TOX2: variants seen among roughly 807,000 people sequenced by gnomAD.
TOX2 encodes granulosa cell HMG box 1.
A neutral mutation model predicts 47.4 loss-of-function variants in TOX2; 15 were observed. The observed-to-expected ratio is 0.32, with a 90% CI of 0.21 to 0.49. The LOEUF (loss-of-function observed/expected upper bound fraction) is 0.49, where lower values mean the gene tolerates loss of function less well. Among genes scored for constraint, TOX2 ranks in the 20% least tolerant of loss-of-function variants. The pLI is 0.99. For synonymous variants in TOX2, 290 were observed against 296.6 expected, an observed-to-expected ratio of 0.98 and a Z score of 0.23; for missense variants, 622 against 673.1, an observed-to-expected ratio of 0.92 and a Z score of 0.84.
chr20:43,971,259 T>C (rs146631860), intron 1 of TOX2, among the ~76,000 whole-genome samples: 106 of 152,298 alleles, frequency 7.0e-4, no homozygotes, highest in African/African-American at 2.4e-3. Flanking sequence ...CCTGGGAGCC[T>C]CCATTTTAGT....
intron 3 of TOX2, among the ~76,000 whole-genome samples, chr20:44,023,319 A>T (rs930111600): frequency 1.3e-5 from 2 of 149,386 alleles, no homozygotes; most frequent in African/African-American, 4.9e-5. Flanking sequence ...AATCCCAGCT[A>T]CTTGGGAGGC....
At chr20:43,998,405 A>G (rs1235806718) in intron 2 of TOX2, among the ~76,000 whole-genome samples, 1 of 152,216 alleles carries the variant, frequency 6.6e-6, no homozygotes, top group African/African-American at 2.4e-5. Context: ...TTACCTGGTT[A>G]TATTTTGTAA....
intron 5 of TOX2, among the ~76,000 whole-genome samples, chr20:44,060,318 A>G (rs7274676): frequency 0.02 from 3,007 of 152,314 alleles, 38 homozygotes; most frequent in Middle Eastern, 0.054. Context: ...GGAAACTTCA[A>G]TACTCCACTG....
intron 1 of TOX2, among the ~76,000 whole-genome samples, chr20:43,926,043 C>T (rs991344214): frequency 2.9e-4 from 44 of 152,266 alleles, no homozygotes; most frequent in Non-Finnish European, 5.6e-4. Flanking sequence ...GTGCTTATTT[C>T]GAAGCTGGGC....
At chr20:44,048,353 ATG>A (rs1272925113) in intron 3 of TOX2, among the ~76,000 whole-genome samples, 6 of 145,268 alleles carry the variant, frequency 4.1e-5, no homozygotes, top group African/African-American at 1.5e-4. Context: ...ATCCAGTTAT[ATG>A]CTAGTACATG....
chr20:44,017,383 T>C (rs2070897994), intron 3 of TOX2, among the ~76,000 whole-genome samples: 1 of 152,158 alleles, frequency 6.6e-6, no homozygotes, highest in African/African-American at 2.4e-5. Context: ...TGGCCGTGAT[T>C]TCAGCTTGGT....
At chr20:44,044,106 G>T (rs1404981734) in intron 3 of TOX2, among the ~76,000 whole-genome samples, 1 of 131,018 alleles carries the variant, frequency 7.6e-6, no homozygotes, top group East Asian at 2.4e-4. Context: ...CATAAAAAAG[G>T]ATGAGTTCAC....
intron 1 of TOX2, among the ~76,000 whole-genome samples, chr20:43,964,273 T>C (rs1454818548): frequency 6.6e-6 from 1 of 152,148 alleles, no homozygotes; most frequent in Non-Finnish European, 1.5e-5. Context: ...CAGGCCGTGC[T>C]CTATTCCTGT....
chr20:43,920,620 C>T (rs1398761068), intron 1 of TOX2, among the ~76,000 whole-genome samples: 1 of 152,148 alleles, frequency 6.6e-6, no homozygotes, highest in Non-Finnish European at 1.5e-5. Context: ...CAGGAAGGAC[C>T]CCAGGATGTT....
intron 2 of TOX2, among the ~76,000 whole-genome samples, chr20:43,975,476 G>A (rs2070059655): frequency 6.6e-6 from 1 of 152,168 alleles, no homozygotes; most frequent in Non-Finnish European, 1.5e-5. Flanking sequence ...GAAGATCAAG[G>A]ATGTTGGCTG....
intron 1 of TOX2, among the ~76,000 whole-genome samples, chr20:43,944,448 G>A (rs187081455): frequency 6.6e-6 from 1 of 152,182 alleles, no homozygotes; most frequent in Admixed American, 6.5e-5. Flanking sequence ...TTGTGTGAAG[G>A]TCAGGGGAAG....
chr20:43,932,480 G>A (rs1248898297), intron 1 of TOX2, among the ~76,000 whole-genome samples: 1 of 152,224 alleles, frequency 6.6e-6, no homozygotes, highest in Non-Finnish European at 1.5e-5. Context: ...AAACAGGGAA[G>A]TTAGTAATAA....
intron 3 of TOX2, among the ~76,000 whole-genome samples, chr20:44,044,690 G>GAT (rs1341464409): frequency 2.0e-5 from 3 of 152,208 alleles, no homozygotes; most frequent in East Asian, 1.9e-4. Flanking sequence ...GAATTGAAGT[G>GAT]ATATAGCCAC....
In TOX2 at chr20:44,003,749, TGTGGCAG is replaced by T. The variant is rs548670201; in HGVS notation, c.166-2796_166-2790del. ...GGAACTAACCACGGGAGGGACAGTGTGTGGCAGGCGGAGTGCAGCAGAGGGAACTGTG... is the reference window on the plus strand; with the variant it reads ...GGAACTAACCACGGGAGGGACAGTGTGCGGAGTGCAGCAGAGGGAACTGTG... On this transcript the variant is annotated intron_variant, in intron 2 of 8. Coordinates refer to ENST00000341197, the MANE Select transcript of TOX2 (RefSeq NM_001098797.2). Among the ~76,000 whole-genome samples the T allele has an allele frequency of 3.0e-3, 458 of 152,180 alleles. 2 individuals carry two copies. Among genetic ancestry groups the T allele is most frequent in the African/African-American group, 0.01 (423 of 41,516 alleles).
At chr20:43,924,624 G>A (rs1299057318) in intron 1 of TOX2, among the ~76,000 whole-genome samples, 1 of 152,192 alleles carries the variant, frequency 6.6e-6, no homozygotes, top group Admixed American at 6.5e-5. Flanking sequence ...CACCATCACT[G>A]AGCTCCCAGG....
At chr20:43,992,144 AG>A (rs2145552873) in intron 2 of TOX2, among the ~76,000 whole-genome samples, 1 of 152,292 alleles carries the variant, frequency 6.6e-6, no homozygotes, top group East Asian at 1.9e-4. Flanking sequence ...ATTGCAGTAG[AG>A]GGAACAGCCA....
At position 43,942,310 on chromosome 20, in the gene TOX2, C is replaced by T. The variant is rs534488486; in HGVS notation, c.99+27320C>T. 2.0e-5 allele frequency among the ~76,000 whole-genome samples: 3 copies of T among 152,274 alleles called. No individual in the cohort carries two copies. In the East Asian group the frequency reaches 5.8e-4, roughly 29 times the overall value. On this transcript the variant is annotated intron_variant, in intron 1 of 8. Transcript: ENST00000341197. The stretch of plus-strand genomic sequence containing the variant: ...GTTTGGCCAAGATCTAAGGGTACAG[C>T]CAGGATTCAAACCCAGGCATTCTGG...
At chr20:43,939,179 A>AG (rs2069368998) in intron 1 of TOX2, among the ~76,000 whole-genome samples, 1 of 152,336 alleles carries the variant, frequency 6.6e-6, no homozygotes, top group Middle Eastern at 3.4e-3. Context: ...CATGCACGTT[A>AG]GGTCCTAGGA....
Position 44,051,658 on chromosome 20 carries a change from C to T in TOX2, c.651+113C>T, listed in dbSNP as rs1480844677. ...AGTAAAGACTAGAAAAGCCTGATGT[C>T]CCAAGGTCCCCGTAGGTGCCATTCC... On this transcript the variant is annotated intron_variant, in intron 4 of 8. Coordinates refer to ENST00000341197, the MANE Select transcript of TOX2 (RefSeq NM_001098797.2). The T allele has an allele frequency of 7.7e-5, 111 of 1,439,230 alleles. 2 individuals carry two copies. In the South Asian group the frequency reaches 1.2e-3, roughly 16 times the overall value. The allele number at this position is 1,439,230 out of a possible 1,614,324, so 89.2% of individuals were successfully genotyped here. A position where few individuals can be genotyped will look rare whatever the true frequency, so the allele number is the denominator to read the frequency against.
Sources: gnomAD v4.1 joint callset for allele counts (sites outside exome capture counted in the v4.1 genomes callset) on GRCh38, gnomAD v4.1.1 for gene constraint, MANE v1.5 for transcripts, NCBI Gene and HGNC (gene_info 2026-07-23, HGNC 2026-07-21) for gene names.